STAB2: variants seen among roughly 807,000 people sequenced by gnomAD.
The protein encoded by STAB2 is stabilin 2.
In STAB2, 288 loss-of-function variants were observed where a neutral mutation model predicts 338.1. That is an observed-to-expected ratio of 0.85 (90% CI 0.77 to 0.94). The LOEUF is 0.94. Ranked by LOEUF, STAB2 falls within the 40% of genes least tolerant of loss-of-function variation. STAB2 has a pLI of 0.00. For synonymous variants in STAB2, 1,202 were observed against 1,193.3 expected, an observed-to-expected ratio of 1.01 and a Z score of -0.15; for missense variants, 3,141 against 3,210.1, an observed-to-expected ratio of 0.98 and a Z score of 0.52.
chr12:103,758,538 C>T (rs895957667), intron 64 of STAB2, among the ~76,000 whole-genome samples: 29 of 152,174 alleles, frequency 1.9e-4, no homozygotes, highest in African/African-American at 5.3e-4. Flanking sequence ...CTAGCCCAGG[C>T]GAGTTCTCAG....
At chr12:103,740,875 TCCCAGAC>T (rs1400510956) in intron 55 of STAB2, 119 bp downstream of exon 55, 1 of 1,365,508 alleles carries the variant, frequency 7.3e-7, no homozygotes, top group African/African-American at 1.5e-5. Flanking sequence ...TAATAATGAT[TCCCAGAC>T]CCCAGAACTC....
intron 6 of STAB2, 143 bp from the exon 7 acceptor site, chr12:103,636,968 A>G: frequency 2.4e-6 from 2 of 845,406 alleles, no homozygotes; most frequent in Non-Finnish European, 3.3e-6. Flanking sequence ...GAAGAAGACA[A>G]TTTTAACTTA....
At chr12:103,688,251 T>C (rs764484197) in intron 28 of STAB2, 36 bp downstream of exon 28, 1 of 1,603,992 alleles carries the variant, frequency 6.2e-7, no homozygotes, top group South Asian at 1.1e-5. Flanking sequence ...ATTGGGAATG[T>C]ATATATTTTA....
intron 5 of STAB2, among the ~76,000 whole-genome samples, chr12:103,622,916 C>G (rs1294353794): frequency 6.6e-6 from 1 of 152,238 alleles, no homozygotes; most frequent in African/African-American, 2.4e-5. Flanking sequence ...CCACCTAATT[C>G]TAATGGTTCC....
chr12:103,744,866 T>C (rs1235546791), intron 56 of STAB2, among the ~76,000 whole-genome samples: 1 of 152,192 alleles, frequency 6.6e-6, no homozygotes, highest in Non-Finnish European at 1.5e-5. Flanking sequence ...TACTCTCTAC[T>C]GTGATTATAA....
Position 103,690,555 on chromosome 12 carries a change from T to C in STAB2, c.3297+17T>C. 1 of 1,601,834 alleles carries C rather than the reference T, an allele frequency of 6.2e-7. No individual in the cohort carries two copies. The highest frequency in any genetic ancestry group is 1.1e-5 in the South Asian group (1 of 89,370). On this transcript the variant is annotated intron_variant, in intron 30 of 68. Coordinates refer to ENST00000388887, the MANE Select transcript of STAB2 (RefSeq NM_017564.10). ...GTGGATGGGGTAAGAGCTCTGGAATTTGTCTGTTTACTTGAAACATAACAG... is the reference window on the plus strand; with the variant it reads ...GTGGATGGGGTAAGAGCTCTGGAATCTGTCTGTTTACTTGAAACATAACAG...
rs138334594 is a variant in STAB2, at chr12:103,758,606, A to G, written c.7107+317A>G. Reference sequence around the variant, plus strand: ...GGCCCTGTCCCAACAGTGCTTTCTCAAGCCTCTGTTTGGTCACATTTGCTA... The same window carrying G: ...GGCCCTGTCCCAACAGTGCTTTCTCGAGCCTCTGTTTGGTCACATTTGCTA... On this transcript the variant is annotated intron_variant, in intron 64 of 68. Coordinates refer to ENST00000388887, the MANE Select transcript of STAB2 (RefSeq NM_017564.10). Among the ~76,000 whole-genome samples the G allele has an allele frequency of 6.1e-3, 925 of 152,272 alleles. 9 individuals carry two copies. Among genetic ancestry groups the G allele is most frequent in the Non-Finnish European group, 7.7e-3 (522 of 68,016 alleles).
At chr12:103,730,924 C>T (rs1376291122) in intron 49 of STAB2, among the ~76,000 whole-genome samples, 4 of 152,094 alleles carry the variant, frequency 2.6e-5, no homozygotes, top group Non-Finnish European at 5.9e-5. Flanking sequence ...ATGGTGCATG[C>T]CTATAATCCC....
rs769899607 is a variant in STAB2, at chr12:103,655,459, A to T, written c.1612A>T (p.Thr538Ser). ...AAATTTCATTTCCCAAATGCAGGAA[A>T]CCAATTTGGGACATGCCTTAGATGA... ...YSKFRSLLEE[T>S]NLGHALDEDG... The change falls in exon 15 of 69, where the codon ACC becomes TCC. Residue 538 changes from threonine to serine, a missense_variant. Coordinates refer to ENST00000388887, the MANE Select transcript of STAB2 (RefSeq NM_017564.10). 1.2e-6 allele frequency: 2 copies of T among 1,613,726 alleles called. No homozygotes were observed. Among genetic ancestry groups the T allele is most frequent in the Non-Finnish European group, 1.7e-6 (2 of 1,179,922 alleles).
At position 103,620,624 on chromosome 12, in the gene STAB2, A is replaced by AACACACACAC. The variant is rs34881989; in HGVS notation, c.417+92_417+101dup. Reference sequence around the variant, plus strand: ...TCTTCTTACCTGTTGATCCTCCTTAAACACACACACACACACACACACACA... The same window carrying AACACACACAC: ...TCTTCTTACCTGTTGATCCTCCTTAAACACACACACACACACACACACACACACACACACA... On this transcript the variant is annotated intron_variant, in intron 4 of 68. Coordinates refer to ENST00000388887, the MANE Select transcript of STAB2 (RefSeq NM_017564.10). The AACACACACAC allele has an allele frequency of 1.5e-4, 123 of 842,514 alleles. No individual in the cohort carries two copies. In the African/African-American group the frequency reaches 1.7e-3, roughly 12 times the overall value. 52.2% of individuals were successfully genotyped at this position (842,514 alleles called of 1,614,324 possible).
In STAB2 at chr12:103,674,800, T is replaced by G. The variant is rs1383082251; in HGVS notation, c.2552+713T>G. Among the ~76,000 whole-genome samples, 6 of 152,232 alleles carry G rather than the reference T, an allele frequency of 3.9e-5. No individual in the cohort carries two copies. The East Asian group carries it at 1.2e-3, about 29-fold the overall frequency. On this transcript the variant is annotated intron_variant, in intron 23 of 68. Coordinates refer to ENST00000388887, the MANE Select transcript of STAB2 (RefSeq NM_017564.10). Reference sequence around the variant, plus strand: ...CTCCTTGCACTGCTTTTCTTAATTTTTGTTTACATAGTTATTTGTTTTGGT... The same window carrying G: ...CTCCTTGCACTGCTTTTCTTAATTTGTGTTTACATAGTTATTTGTTTTGGT...
At chr12:103,624,999 T>C (rs1369950627) in intron 5 of STAB2, among the ~76,000 whole-genome samples, 1 of 151,112 alleles carries the variant, frequency 6.6e-6, no homozygotes, top group Non-Finnish European at 1.5e-5. Context: ...AGTTAAACAT[T>C]ACATTAAAGG....
Position 103,726,272 on chromosome 12 carries a change from T to A in STAB2, c.4851+109T>A. ...GGGAGGCCAAGGCGGGCAGATTGCC[T>A]GAGCTCAGGAGTTCGAGACCAGTCT... On this transcript the variant is annotated intron_variant, in intron 46 of 68. Transcript: ENST00000388887. The A allele has an allele frequency of 2.6e-6, 3 of 1,138,414 alleles. No individual in the cohort carries two copies. The Admixed American group carries it at 5.6e-5, about 21-fold the overall frequency. 70.5% of individuals were successfully genotyped at this position (1,138,414 alleles called of 1,614,324 possible).
chr12:103,638,309 C>T, intron 8 of STAB2, 97 bp downstream of exon 8: 1 of 1,350,698 alleles, frequency 7.4e-7, no homozygotes, highest in Admixed American at 2.3e-5. Context: ...CCAATTCTCC[C>T]TTTCAATGTT....
chr12:103,698,501 C>G (rs559580104), intron 33 of STAB2, among the ~76,000 whole-genome samples: 2 of 152,100 alleles, frequency 1.3e-5, no homozygotes, highest in African/African-American at 4.8e-5. Context: ...GCCTGCCCAT[C>G]CAGGCTGACA....
chr12:103,648,680 CT>C lies in STAB2; in HGVS notation c.1041-9del. ...AAAACCCTGAGGATGTCTTTTCCCCCTCTCTGTAGATGCATTTGCCAGAAAG... is the reference window on the plus strand; with the variant it reads ...AAAACCCTGAGGATGTCTTTTCCCCCCTCTGTAGATGCATTTGCCAGAAAG... On this transcript the variant is annotated splice_polypyrimidine_tract_variant and intron_variant, in intron 9 of 68. Coordinates refer to ENST00000388887, the MANE Select transcript of STAB2 (RefSeq NM_017564.10). 1 of 1,612,652 alleles carries C rather than the reference CT, an allele frequency of 6.2e-7. No homozygotes were observed. Among genetic ancestry groups the C allele is most frequent in the Non-Finnish European group, 8.5e-7 (1 of 1,179,308 alleles).
rs373743558 is a variant in STAB2, at chr12:103,684,511, C to G, written c.2902-478C>G. On this transcript the variant is annotated intron_variant, in intron 26 of 68. Transcript: ENST00000388887. Reference sequence around the variant, plus strand: ...ACACTTCTGCTTGATTTAAGCCCAACCAAGCCCTGACATTCCAGATGTGAG... The same window carrying G: ...ACACTTCTGCTTGATTTAAGCCCAAGCAAGCCCTGACATTCCAGATGTGAG... Among the ~76,000 whole-genome samples, 254 of 152,308 alleles carry G rather than the reference C, an allele frequency of 1.7e-3. 1 individual carries two copies. Among genetic ancestry groups the G allele is most frequent in the African/African-American group, 5.9e-3 (246 of 41,556 alleles).
rs566457065 is a variant in STAB2 at position 103,751,755 on chromosome 12, A to G, written c.6580+1035A>G. On this transcript the variant is annotated intron_variant, in intron 60 of 68. Coordinates refer to ENST00000388887, the MANE Select transcript of STAB2 (RefSeq NM_017564.10). Reference sequence around the variant, plus strand: ...GTTCCCAAAGCCCACTTCCAAGTGGAAATCTACCCAGACCATAGAGTGTGG... The same window carrying G: ...GTTCCCAAAGCCCACTTCCAAGTGGGAATCTACCCAGACCATAGAGTGTGG... Among the ~76,000 whole-genome samples, 51 of 152,312 alleles carry G rather than the reference A, an allele frequency of 3.3e-4. 1 individual carries two copies. In the South Asian group the frequency reaches 9.9e-3, roughly 30 times the overall value.
Position 103,766,526 on chromosome 12 carries a change from TTCC to T in STAB2, c.*196_*198del. On this transcript the variant is annotated 3_prime_UTR_variant, in exon 69 of 69. Coordinates refer to ENST00000388887, the MANE Select transcript of STAB2 (RefSeq NM_017564.10). Reference sequence around the variant, plus strand: ...TGTTGCTGTGCCCACCCAGTACAGCTTCCTCCTCTGACCCTTTGGCTCTTCTTC... The same window carrying T: ...TGTTGCTGTGCCCACCCAGTACAGCTTCCTCTGACCCTTTGGCTCTTCTTC... The T allele has an allele frequency of 1.6e-6, 1 of 611,898 alleles. No individual in the cohort carries two copies. The highest frequency in any genetic ancestry group is 2.9e-5 in the East Asian group (1 of 34,266). 37.9% of individuals were successfully genotyped at this position (611,898 alleles called of 1,614,324 possible).
Sources: allele counts gnomAD v4.1 joint callset (sites outside exome capture counted in the v4.1 genomes callset), GRCh38; gene constraint gnomAD v4.1.1; transcripts MANE v1.5; gene names NCBI Gene and HGNC (gene_info 2026-07-23, HGNC 2026-07-21).